The following ADCY2 variants were observed in gnomAD, a reference collection of about 807,000 sequenced individuals.
ADCY2 encodes the protein adenylate cyclase type 2.
ADCY2 carries 31 observed loss-of-function variants against 125.2 expected under a neutral mutation model. The observed-to-expected ratio is 0.25, with a 90% CI of 0.19 to 0.33. The LOEUF is 0.33. Ranked by LOEUF, ADCY2 falls within the 10% of genes least tolerant of loss-of-function variation. The pLI is 1.00. For missense variants in ADCY2, 904 were observed against 1,418.2 expected, an observed-to-expected ratio of 0.64 and a Z score of 5.82; for synonymous variants, 512 against 548.4, an observed-to-expected ratio of 0.93 and a Z score of 0.93.
At chr5:7,697,866 G>C (rs1354469372) in intron 6 of ADCY2, among the ~76,000 whole-genome samples, 3 of 152,112 alleles carry the variant, frequency 2.0e-5, no homozygotes, top group Non-Finnish European at 4.4e-5. Context: ...CTGAGTGCTG[G>C]TCATCATTTT....
At chr5:7,808,027 T>G (rs1241403631) in intron 22 of ADCY2, among the ~76,000 whole-genome samples, 1 of 152,152 alleles carries the variant, frequency 6.6e-6, no homozygotes, top group Admixed American at 6.5e-5. Context: ...TCCACTAGTT[T>G]ACCGAGGTGA....
intron 2 of ADCY2, among the ~76,000 whole-genome samples, chr5:7,475,335 G>C (rs1243388721): frequency 1.3e-5 from 2 of 152,114 alleles, no homozygotes; most frequent in Non-Finnish European, 2.9e-5. Context: ...CGGATGTGAA[G>C]TCAGGAGCAG....
intron 4 of ADCY2, among the ~76,000 whole-genome samples, chr5:7,639,264 A>G (rs1738613652): frequency 6.6e-6 from 1 of 152,236 alleles, no homozygotes; most frequent in South Asian, 2.1e-4. Context: ...GACAAAACAC[A>G]GAAATATGTT....
chr5:7,504,298 A>C (rs1277754189), intron 2 of ADCY2, among the ~76,000 whole-genome samples: 1 of 152,350 alleles, frequency 6.6e-6, no homozygotes, highest in East Asian at 1.9e-4. Context: ...GGATCCAAAC[A>C]CAAACCCAAA....
At chr5:7,734,706 T>C (rs1436255280) in intron 14 of ADCY2, among the ~76,000 whole-genome samples, 1 of 152,222 alleles carries the variant, frequency 6.6e-6, no homozygotes. Flanking sequence ...ATTAAGAGCG[T>C]TTGACCAACC....
intron 3 of ADCY2, among the ~76,000 whole-genome samples, chr5:7,565,391 T>C (rs1446859040): frequency 6.6e-6 from 1 of 152,214 alleles, no homozygotes; most frequent in Non-Finnish European, 1.5e-5. Context: ...TCTTATATGC[T>C]GAAATAACCG....
chr5:7,796,945 C>T (rs902800185), intron 20 of ADCY2: 4 of 152,212 alleles, frequency 2.6e-5, no homozygotes, highest in East Asian at 1.9e-4. Context: ...CATCCTCATT[C>T]GGAGAGAGCC....
At chr5:7,427,235 C>G (rs1438315451) in intron 2 of ADCY2, among the ~76,000 whole-genome samples, 1 of 152,170 alleles carries the variant, frequency 6.6e-6, no homozygotes, top group Non-Finnish European at 1.5e-5. Context: ...CAGTTTCTTA[C>G]AAGGACACCG....
intron 4 of ADCY2, among the ~76,000 whole-genome samples, chr5:7,667,913 C>T (rs9654458): frequency 0.76 from 116,065 of 152,174 alleles, 44,960 homozygotes; most frequent in South Asian, 0.84. Flanking sequence ...AGAACAAGGA[C>T]TTCTTCTTTG....
intron 2 of ADCY2, among the ~76,000 whole-genome samples, chr5:7,449,722 A>G (rs1379221910): frequency 6.6e-6 from 1 of 152,212 alleles, no homozygotes; most frequent in African/African-American, 2.4e-5. Flanking sequence ...TGCACTTCTC[A>G]GATACTGAAT....
At chr5:7,821,594 T>C (rs1745303393) in intron 24 of ADCY2, among the ~76,000 whole-genome samples, 1 of 152,206 alleles carries the variant, frequency 6.6e-6, no homozygotes, top group Non-Finnish European at 1.5e-5. Context: ...AAACTCAACT[T>C]TGCCCTTGTA....
chr5:7,763,248 G>A (rs757164475), intron 16 of ADCY2, among the ~76,000 whole-genome samples: 6 of 151,690 alleles, frequency 4.0e-5, no homozygotes, highest in Admixed American at 6.6e-5. Context: ...CCGCCACCAC[G>A]CCCGGCCAAT....
chr5:7,503,954 G>T (rs1271162421), intron 2 of ADCY2, among the ~76,000 whole-genome samples: 1 of 152,200 alleles, frequency 6.6e-6, no homozygotes. Context: ...CCCGCTCACT[G>T]TCCTGGGTTT....
At chr5:7,778,971 G>C (rs1227554057) in intron 18 of ADCY2, among the ~76,000 whole-genome samples, 1 of 152,176 alleles carries the variant, frequency 6.6e-6, no homozygotes, top group Non-Finnish European at 1.5e-5. Context: ...CCATAATATA[G>C]TCAAGTTAAT....
chr5:7,474,548 G>C (rs1246720283), intron 2 of ADCY2, among the ~76,000 whole-genome samples: 1 of 152,166 alleles, frequency 6.6e-6, no homozygotes, highest in African/African-American at 2.4e-5. Flanking sequence ...GTTTTTGGAA[G>C]GGATTTTGGA....
At chr5:7,582,399 A>G (rs1378426540) in intron 3 of ADCY2, among the ~76,000 whole-genome samples, 1 of 152,178 alleles carries the variant, frequency 6.6e-6, no homozygotes, top group Non-Finnish European at 1.5e-5. Flanking sequence ...TAAAAAGGAA[A>G]GAACTCTTGT....
chr5:7,652,583 C>T lies in ADCY2; in HGVS notation c.720+26267C>T, dbSNP rs75893395. 8.5e-3 allele frequency among the ~76,000 whole-genome samples: 1,294 copies of T among 152,212 alleles called. 56 individuals are homozygous for T. The East Asian group carries it at 0.12, about 14-fold the overall frequency. On this transcript the variant is annotated intron_variant, in intron 4 of 24. Coordinates refer to ENST00000338316, the MANE Select transcript of ADCY2 (RefSeq NM_020546.3). ...TGTATAATTGTTATCAGTTGAATAA[C>T]GATTACTTAATTTTGTATACAAGGT...
intron 4 of ADCY2, among the ~76,000 whole-genome samples, chr5:7,658,399 T>TGTGTGTGTGTGTGTG (rs1739411139): frequency 1.5e-5 from 2 of 130,944 alleles, no homozygotes; most frequent in Non-Finnish European, 3.3e-5. Context: ...GTGAAGAGAA[T>TGTGTGTGTGTGTGTG]TGTGTGTGTG....
At chr5:7,760,972 A>G (rs748566310) in intron 16 of ADCY2, among the ~76,000 whole-genome samples, 14 of 152,042 alleles carry the variant, frequency 9.2e-5, no homozygotes, top group Non-Finnish European at 1.9e-4. Context: ...ACTTTGTTTT[A>G]TTCCACGTAT....
Sources: allele counts gnomAD v4.1 joint callset (sites outside exome capture counted in the v4.1 genomes callset), GRCh38; gene constraint gnomAD v4.1.1; transcripts MANE v1.5; gene names NCBI Gene and HGNC (gene_info 2026-07-23, HGNC 2026-07-21).